CD163L1: variants seen among roughly 807,000 people sequenced by gnomAD.
The protein encoded by CD163L1 is scavenger receptor cysteine-rich type 1 protein M160.
A neutral mutation model predicts 165.4 loss-of-function variants in CD163L1; 124 were observed. That is an observed-to-expected ratio of 0.75 (90% CI 0.65 to 0.87). CD163L1 has a LOEUF of 0.87. Among genes scored for constraint, CD163L1 ranks in the 40% least tolerant of loss-of-function variants. The pLI is 0.00. For synonymous variants in CD163L1, 585 were observed against 662.2 expected (o/e 0.88, Z 1.79); for missense variants, 1,525 against 1,799.9 (o/e 0.85, Z 2.76).
intron 4 of CD163L1, among the ~76,000 whole-genome samples, chr12:7,426,519 G>A (rs7486403): frequency 0.013 from 2,019 of 152,106 alleles, 17 homozygotes; most frequent in Middle Eastern, 0.058. Context: ...TGGGAGGTGG[G>A]TAAGGGATAA....
intron 2 of CD163L1, among the ~76,000 whole-genome samples, chr12:7,438,239 A>G (rs187703108): frequency 1.3e-5 from 2 of 152,184 alleles, no homozygotes; most frequent in Admixed American, 1.3e-4. Flanking sequence ...GGATGAAAAA[A>G]ATGATGTTTT....
chr12:7,419,942 C>A (rs1248490083), intron 4 of CD163L1, among the ~76,000 whole-genome samples: 1 of 151,930 alleles, frequency 6.6e-6, no homozygotes, highest in African/African-American at 2.4e-5. Flanking sequence ...GGAGGTATCA[C>A]ATAACTTCAC....
At chr12:7,393,070 T>A (rs184070754) in intron 8 of CD163L1, among the ~76,000 whole-genome samples, 1 of 152,316 alleles carries the variant, frequency 6.6e-6, no homozygotes, top group East Asian at 1.9e-4. Context: ...TAACTCATTT[T>A]ATGAGGCCAA....
At chr12:7,361,788 T>A (rs1300843652) in intron 18 of CD163L1, among the ~76,000 whole-genome samples, 1 of 152,188 alleles carries the variant, frequency 6.6e-6, no homozygotes, top group Non-Finnish European at 1.5e-5. Context: ...AGATTTTTTT[T>A]AAGTGTACGA....
At position 7,398,640 on chromosome 12, in the gene CD163L1, G is replaced by A; in HGVS notation, c.1409-56C>T. 1 of 1,379,586 alleles carries A rather than the reference G, an allele frequency of 7.2e-7. No individual in the cohort carries two copies. Among genetic ancestry groups the A allele is most frequent in the Non-Finnish European group, 9.8e-7 (1 of 1,016,848 alleles). 85.5% of individuals were successfully genotyped at this position (1,379,586 alleles called of 1,614,324 possible). A position where few individuals can be genotyped will look rare whatever the true frequency, so the allele number is the denominator to read the frequency against. The stretch of plus-strand genomic sequence containing the variant: ...ATCAAATGAGAGAGTCTTTTCAGAA[G>A]ACTGAAAAGACTCTCTAAATTCACG... On this transcript the variant is annotated intron_variant, in intron 6 of 19. Coordinates refer to ENST00000313599, the MANE Select transcript of CD163L1 (RefSeq NM_174941.6). The surrounding 1 kb of genome is among the most constrained non-coding windows in gnomAD (Gnocchi z 4.5).
At chr12:7,340,276 C>T in the CD163L1 span, among the ~76,000 whole-genome samples, 1 of 152,098 alleles carries the variant, frequency 6.6e-6, no homozygotes, top group Admixed American at 6.6e-5. Context: ...ACATTTCTGT[C>T]TGAGTACATA....
intron 4 of CD163L1, among the ~76,000 whole-genome samples, chr12:7,420,885 G>A (rs1948334668): frequency 6.7e-6 from 1 of 149,982 alleles, no homozygotes; most frequent in South Asian, 2.1e-4. Flanking sequence ...TCTGAAAAAG[G>A]TATTTGCACA....
At chr12:7,423,171 A>C (rs1027914770) in intron 4 of CD163L1, among the ~76,000 whole-genome samples, 5 of 152,134 alleles carry the variant, frequency 3.3e-5, no homozygotes, top group African/African-American at 9.7e-5. Flanking sequence ...CAGAATTAAG[A>C]AGCACACTCA....
Position 7,421,553 on chromosome 12 carries a change from A to G in CD163L1, c.766+10863T>C, listed in dbSNP as rs1217936431. On this transcript the variant is annotated intron_variant, in intron 4 of 19. Transcript: ENST00000313599. ...TATACATATACGTACACATATACAT[A>G]TACATATATGTACATATATACATGT... Among the ~76,000 whole-genome samples the G allele has an allele frequency of 4.4e-5, 6 of 137,702 alleles. 1 individual carries two copies. The highest frequency in any genetic ancestry group is 1.3e-4 in the African/African-American group (5 of 37,304). 90.3% of individuals were successfully genotyped at this position (137,702 alleles called of 152,430 possible). A position where few individuals can be genotyped will look rare whatever the true frequency, so the allele number is the denominator to read the frequency against.
At chr12:7,423,319 C>T (rs1948474428) in intron 4 of CD163L1, among the ~76,000 whole-genome samples, 1 of 152,146 alleles carries the variant, frequency 6.6e-6, no homozygotes, top group Admixed American at 6.5e-5. Context: ...CTCTGGGACA[C>T]AGCTAACACA....
chr12:7,345,967 C>A (rs780983236), downstream of CD163L1, among the ~76,000 whole-genome samples: 1 of 152,088 alleles, frequency 6.6e-6, no homozygotes, highest in Non-Finnish European at 1.5e-5. Flanking sequence ...AGGACGGCAC[C>A]AAGACATGAA....
intron 2 of CD163L1, chr12:7,439,117 A>G (rs1220560277): frequency 6.4e-7 from 1 of 1,571,866 alleles, no homozygotes; most frequent in Non-Finnish European, 8.6e-7. Flanking sequence ...TTGCACTTTT[A>G]GTGTTTTGTT....
At position 7,369,454 on chromosome 12, in the gene CD163L1, C is replaced by A; in HGVS notation, c.3942G>T (p.Arg1314=). 6.2e-7 allele frequency: 1 copy of A among 1,614,164 alleles called. No individual in the cohort carries two copies. Among genetic ancestry groups the A allele is most frequent in the Non-Finnish European group, 8.5e-7 (1 of 1,180,038 alleles). Reference sequence around the variant, plus strand: ...ATAGAAATGACTCATTTCCTTTGCACCGCATGTCATCCAACCAGATGGTTC... The same window carrying A: ...ATAGAAATGACTCATTTCCTTTGCAACGCATGTCATCCAACCAGATGGTTC... ...GTGTIWLDDM[R]CKGNESFLWD... is the part of the protein sequence containing the mutation. The change falls in exon 15 of 20, where the codon CGG becomes CGT. Residue 1314 remains arginine (R), a synonymous_variant. Coordinates refer to ENST00000313599, the MANE Select transcript of CD163L1 (RefSeq NM_174941.6). This position sits in a 1 kb window ranked among gnomAD's most constrained non-coding sequence, Gnocchi z 4.9.
At chr12:7,362,078 TA>T (rs1946903789) in intron 18 of CD163L1, among the ~76,000 whole-genome samples, 1 of 149,580 alleles carries the variant, frequency 6.7e-6, no homozygotes, top group African/African-American at 2.4e-5. Flanking sequence ...TTCCATTGTA[TA>T]TATACACATA....
At chr12:7,363,982 C>T (rs1187876281) in intron 18 of CD163L1, among the ~76,000 whole-genome samples, 2 of 151,908 alleles carry the variant, frequency 1.3e-5, no homozygotes, top group East Asian at 3.9e-4. Flanking sequence ...AATGAAACAA[C>T]AAAGAAAGAA....
chr12:7,375,645 G>A (rs1000124814), intron 10 of CD163L1, 50 bp from the exon 11 acceptor site: 1 of 1,610,076 alleles, frequency 6.2e-7, no homozygotes, highest in Admixed American at 1.7e-5. Flanking sequence ...ATCAGCTCCA[G>A]CCCCAAACTC....
chr12:7,362,660 T>C (rs1419565302), intron 18 of CD163L1, among the ~76,000 whole-genome samples: 1 of 146,052 alleles, frequency 6.8e-6, no homozygotes, highest in African/African-American at 2.5e-5. Flanking sequence ...TATATAATTC[T>C]AATATAATAT....
At chr12:7,410,885 A>C (rs2136546411) in intron 4 of CD163L1, among the ~76,000 whole-genome samples, 1 of 149,526 alleles carries the variant, frequency 6.7e-6, no homozygotes, top group Non-Finnish European at 1.5e-5. Flanking sequence ...AAAAATAGTT[A>C]AGAATTTGCC....
chr12:7,342,525 C>G (rs1460355744), downstream of CD163L1, among the ~76,000 whole-genome samples: 1 of 152,190 alleles, frequency 6.6e-6, no homozygotes. Flanking sequence ...CCTGATTTCC[C>G]ACTCCACACC....
Sources: allele counts gnomAD v4.1 joint callset (sites outside exome capture counted in the v4.1 genomes callset), GRCh38; gene constraint gnomAD v4.1.1; non-coding constraint Gnocchi (gnomAD v3.1); transcripts MANE v1.5; gene names NCBI Gene and HGNC (gene_info 2026-07-23, HGNC 2026-07-21).